The following AACS variants were observed in gnomAD, a reference collection of about 807,000 sequenced individuals.
AACS encodes the protein acetoacetyl-CoA synthetase, also known as acetoacetate-CoA ligase.
In AACS, 69 loss-of-function variants were observed where a neutral mutation model predicts 83.1. The ratio of observed to expected loss-of-function variants is 0.83; its 90% CI spans 0.68 to 1.01. The LOEUF (loss-of-function observed/expected upper bound fraction) is 1.01. Ranked by LOEUF, AACS falls within the 50% of genes least tolerant of loss-of-function variation. The pLI is 0.00. For missense variants in AACS, 866 were observed against 882.2 expected (o/e 0.98, Z 0.23); for synonymous variants, 333 against 343.4 (o/e 0.97, Z 0.33).
intron 4 of AACS, among the ~76,000 whole-genome samples, chr12:125,087,333 C>T (rs55999005): frequency 0.28 from 43,327 of 152,158 alleles, 7,705 homozygotes; most frequent in Non-Finnish European, 0.39. Flanking sequence ...GGATTTCCCA[C>T]GAAGAACTGC....
At chr12:125,066,517 T>G (rs1353592826) in intron 1 of AACS, among the ~76,000 whole-genome samples, 2 of 149,540 alleles carry the variant, frequency 1.3e-5, no homozygotes, top group African/African-American at 4.9e-5. Context: ...TGGCGAGATC[T>G]CGGCACACTG....
rs1407130216 is a variant in AACS, at chr12:125,109,453, C to T, written c.915+2185C>T. On this transcript the variant is annotated intron_variant, in intron 8 of 17. Coordinates refer to ENST00000316519, the MANE Select transcript of AACS (RefSeq NM_023928.5). ...TTTAACACGTCCTAAAAGCCTCTTT[C>T]GCCTTCTTTCTCTCTCAGCGTATAT... Among the ~76,000 whole-genome samples the T allele has an allele frequency of 3.9e-5, 6 of 152,320 alleles. No individual in the cohort carries two copies. In the East Asian group the frequency reaches 5.8e-4, roughly 15 times the overall value.
At chr12:125,077,286 G>A (rs572601293) in intron 3 of AACS, among the ~76,000 whole-genome samples, 2 of 151,868 alleles carry the variant, frequency 1.3e-5, no homozygotes, top group Admixed American at 6.6e-5. Flanking sequence ...CAAGGTGGGC[G>A]GATCACGAGG....
At chr12:125,116,546 C>T (rs1425268119) in intron 9 of AACS, among the ~76,000 whole-genome samples, 1 of 152,174 alleles carries the variant, frequency 6.6e-6, no homozygotes, top group Non-Finnish European at 1.5e-5. Context: ...TCTCTGCAAG[C>T]TCCACCTCCC....
Position 125,086,390 on chromosome 12 carries a change from T to TGTTTGCA in AACS, c.421_427dup (p.Ala143ValfsTer24). On this transcript the variant is annotated frameshift_variant, in exon 4 of 18. Coordinates refer to ENST00000316519, the MANE Select transcript of AACS (RefSeq NM_023928.5). LOFTEE classifies it high-confidence loss of function. The stretch of plus-strand genomic sequence containing the variant: ...GAAGAGCTGAGGCAAGAAGTGGCTT[T>TGTTTGCA]GTTTGCAGCAGCAATGAGGAAAATG... 6.2e-7 allele frequency: 1 copy of TGTTTGCA among 1,614,242 alleles called. No individual in the cohort carries two copies. The highest frequency in any genetic ancestry group is 8.5e-7 in the Non-Finnish European group (1 of 1,180,048).
chr12:125,130,662 T>G lies in AACS; in HGVS notation c.1549+1202T>G, dbSNP rs780882355. ...TTTCAGAATAATCTTTTTTTGAAACTGATATTCCTTCTTGGAGAAGACAAG... is the reference window on the plus strand; with the variant it reads ...TTTCAGAATAATCTTTTTTTGAAACGGATATTCCTTCTTGGAGAAGACAAG... On this transcript the variant is annotated intron_variant, in intron 14 of 17. Coordinates refer to ENST00000316519, the MANE Select transcript of AACS (RefSeq NM_023928.5). The surrounding 1 kb of genome is among the most constrained non-coding windows in gnomAD (Gnocchi z 4.9). 2.6e-5 allele frequency among the ~76,000 whole-genome samples: 4 copies of G among 152,250 alleles called. No individual in the cohort carries two copies. Among genetic ancestry groups the G allele is most frequent in the Non-Finnish European group, 5.9e-5 (4 of 68,040 alleles).
At chr12:125,121,682 G>A (rs1273695706) in intron 10 of AACS, 1 of 152,308 alleles carries the variant, frequency 6.6e-6, no homozygotes, top group Non-Finnish European at 1.5e-5. Context: ...TGCTAGTAGT[G>A]GGGCAGGTGT....
rs1213414963 is a variant in AACS at position 125,065,546 on chromosome 12, C to T, written c.-39C>T. 1 of 1,485,564 alleles carries T rather than the reference C, an allele frequency of 6.7e-7. No individual in the cohort carries two copies. Among genetic ancestry groups the T allele is most frequent in the Non-Finnish European group, 8.9e-7 (1 of 1,118,080 alleles). 92.0% of individuals were successfully genotyped at this position (1,485,564 alleles called of 1,614,324 possible). On this transcript the variant is annotated 5_prime_UTR_variant, in exon 1 of 18. Transcript: ENST00000316519. ...CCTCGCCTCAGCCCCGGCCCCTGGTCCCCAGCCCTCGTCGCAGCCCCGGCC... is the reference window on the plus strand; with the variant it reads ...CCTCGCCTCAGCCCCGGCCCCTGGTTCCCAGCCCTCGTCGCAGCCCCGGCC...
chr12:125,142,139 C>T lies in AACS; in HGVS notation c.1929C>T (p.Ile643=), dbSNP rs3751180. ...KKVEVAVKQI[I]AGKAVEQGGA... ...TGGAAGTTGCCGTCAAACAGATCAT[C>T]GCTGGAAAAGCCGTGGAGCAAGGAG... The change falls in exon 18 of 18, where the codon ATC becomes ATT. Residue 643 remains isoleucine (I), a synonymous_variant. Transcript: ENST00000316519. 43,364 of 1,614,054 alleles carry T rather than the reference C, an allele frequency of 0.027. 1,897 individuals are homozygous for T. Among genetic ancestry groups the T allele is most frequent in the East Asian group, 0.19 (8,555 of 44,878 alleles).
intron 3 of AACS, among the ~76,000 whole-genome samples, chr12:125,081,972 T>C (rs1165057857): frequency 2.0e-5 from 3 of 151,852 alleles, no homozygotes; most frequent in Admixed American, 2.0e-4. Context: ...GCCTCCTGGC[T>C]TCAAGATATT....
intron 3 of AACS, among the ~76,000 whole-genome samples, chr12:125,079,542 C>T (rs574586743): frequency 2.0e-5 from 3 of 152,000 alleles, no homozygotes; most frequent in African/African-American, 4.8e-5. Context: ...CCACTGTGTC[C>T]GGCTAATTTT....
intron 10 of AACS, chr12:125,122,951 T>A (rs1453131507): frequency 6.6e-6 from 1 of 152,198 alleles, no homozygotes; most frequent in African/African-American, 2.4e-5. Flanking sequence ...TTCCAAGAGC[T>A]GAATGGTGTT....
chr12:125,111,418 G>C (rs1956950594), intron 8 of AACS, among the ~76,000 whole-genome samples: 1 of 152,164 alleles, frequency 6.6e-6, no homozygotes, highest in South Asian at 2.1e-4. Context: ...ATTTTTTTAA[G>C]AGGAGCATAA....
chr12:125,125,040 G>A lies in AACS; in HGVS notation c.1309+16G>A. Reference sequence around the variant, plus strand: ...TCCATCTCAGGTATGGCCCCGGTGGGGACAGTCCTTCCAGCCATCCCCGCC... The same window carrying A: ...TCCATCTCAGGTATGGCCCCGGTGGAGACAGTCCTTCCAGCCATCCCCGCC... On this transcript the variant is annotated intron_variant, in intron 12 of 17. Transcript: ENST00000316519. 1.2e-6 allele frequency: 2 copies of A among 1,613,898 alleles called. No individual in the cohort carries two copies. Among genetic ancestry groups the A allele is most frequent in the East Asian group, 2.2e-5 (1 of 44,856 alleles).
intron 14 of AACS, among the ~76,000 whole-genome samples, chr12:125,132,387 A>T (rs557263250): frequency 2.0e-5 from 3 of 152,260 alleles, no homozygotes; most frequent in African/African-American, 7.2e-5. Flanking sequence ...GGGAGATCTG[A>T]CTCCAGGCAA....
At chr12:125,122,638 A>G (rs1424632211) in intron 10 of AACS, 2 of 123,616 alleles carry the variant, frequency 1.6e-5, no homozygotes, top group African/African-American at 6.6e-5. Flanking sequence ...GAGAGACTCC[A>G]TCTCAAAAAA....
At chr12:125,136,205 A>G (rs981166478) in intron 16 of AACS, 1 of 169,004 alleles carries the variant, frequency 5.9e-6, no homozygotes, top group Non-Finnish European at 1.3e-5. Context: ...GTGTGTCACC[A>G]TGCCTAACTT....
In AACS at chr12:125,104,677, C is replaced by T. The variant is rs1017941533; in HGVS notation, c.767+1596C>T. The stretch of plus-strand genomic sequence containing the variant: ...TGCTGCAGGCAAAGTGGTGGCTTGG[C>T]GAGGGCCATGGTCTCCAGATCCGAC... On this transcript the variant is annotated intron_variant, in intron 7 of 17. Coordinates refer to ENST00000316519, the MANE Select transcript of AACS (RefSeq NM_023928.5). Among the ~76,000 whole-genome samples, 6 of 152,062 alleles carry T rather than the reference C, an allele frequency of 3.9e-5. No individual in the cohort carries two copies. The East Asian group carries it at 7.7e-4, about 20-fold the overall frequency.
At chr12:125,078,885 C>T (rs185831195) in intron 3 of AACS, among the ~76,000 whole-genome samples, 26 of 148,182 alleles carry the variant, frequency 1.8e-4, no homozygotes, top group African/African-American at 5.8e-4. Context: ...CCCTGGGAGA[C>T]GCTGATGTTC....
Sources: gnomAD v4.1 joint callset for allele counts (sites outside exome capture counted in the v4.1 genomes callset) on GRCh38, gnomAD v4.1.1 for gene constraint, Gnocchi (gnomAD v3.1) non-coding constraint, MANE v1.5 for transcripts, NCBI Gene and HGNC (gene_info 2026-07-23, HGNC 2026-07-21) for gene names.